Variants in SDK1 observed in about 807,000 individuals in gnomAD.
The protein encoded by SDK1 is protein sidekick-1.
In SDK1, 157 loss-of-function variants were observed where a neutral mutation model predicts 245.5. The observed-to-expected ratio is 0.64, with a 90% confidence interval of 0.56 to 0.73. The LOEUF (loss-of-function observed/expected upper bound fraction) is 0.73, where lower values mean the gene tolerates loss of function less well. SDK1 is among the 30% of genes least tolerant of loss of function. The pLI, the probability that SDK1 is intolerant of heterozygous loss-of-function variation, is 0.00. For synonymous variants in SDK1, 1,647 were observed against 1,278.5 expected, an observed-to-expected ratio of 1.29 and a Z score of -6.15; for missense variants, 3,583 against 3,002.3, an observed-to-expected ratio of 1.19 and a Z score of -4.52.
At chr7:3,457,432 T>C (rs895213896) in intron 1 of SDK1, among the ~76,000 whole-genome samples, 7 of 152,156 alleles carry the variant, frequency 4.6e-5, no homozygotes, top group African/African-American at 1.4e-4. Context: ...TGTCTTCTTA[T>C]CTCCCTTTAC....
At chr7:4,138,912 A>G (rs1416584349) in intron 28 of SDK1, among the ~76,000 whole-genome samples, 5 of 152,208 alleles carry the variant, frequency 3.3e-5, no homozygotes, top group Non-Finnish European at 7.4e-5. Flanking sequence ...CTTCCAGGCC[A>G]TCACCTGGGA....
intron 4 of SDK1, among the ~76,000 whole-genome samples, chr7:3,655,448 A>AAAC (rs1467153187): frequency 3.0e-5 from 2 of 66,334 alleles, no homozygotes; most frequent in African/African-American, 1.5e-4. Context: ...AAACAAAACA[A>AAAC]ATATATATAT....
Position 4,233,262 on chromosome 7 carries a change from C to T in SDK1, c.5835C>T (p.Gly1945=), listed in dbSNP as rs1328960073. ...TCCCCATCCCTCTTGCAGATGAAGG[C>T]TTATGGGACATGTTTGTGAAGGACA... ...YVIEARPSDE[G]LWDMFVKDIP... The change falls in exon 41 of 45, where the codon GGC becomes GGT. Residue 1945 remains glycine, a synonymous_variant. Coordinates refer to ENST00000404826, the MANE Select transcript of SDK1 (RefSeq NM_152744.4). The T allele has an allele frequency of 1.9e-6, 3 of 1,613,330 alleles. No individual in the cohort carries two copies. The highest frequency in any genetic ancestry group is 2.2e-5 in the East Asian group (1 of 44,882).
At chr7:3,343,021 C>G (rs1780390185) in intron 1 of SDK1, among the ~76,000 whole-genome samples, 1 of 140,258 alleles carries the variant, frequency 7.1e-6, no homozygotes, top group South Asian at 2.2e-4. Context: ...AAAAAAGCAC[C>G]AAATGTTGGT....
chr7:3,356,493 A>G (rs1022758806), intron 1 of SDK1, among the ~76,000 whole-genome samples: 2 of 152,028 alleles, frequency 1.3e-5, no homozygotes, highest in African/African-American at 4.8e-5. Flanking sequence ...GTATATTTGG[A>G]TGATCTAAGA....
At chr7:3,680,029 C>T (rs944117319) in intron 4 of SDK1, among the ~76,000 whole-genome samples, 2 of 152,028 alleles carry the variant, frequency 1.3e-5, no homozygotes, top group African/African-American at 4.8e-5. Context: ...AATCAGAAAC[C>T]ACTCAGATGT....
At chr7:4,209,892 T>A (rs1562436409) in intron 37 of SDK1, 133 bp from the exon 38 acceptor site, 1 of 842,044 alleles carries the variant, frequency 1.2e-6, no homozygotes, top group East Asian at 2.9e-5. Context: ...TTTCATTTTA[T>A]GACATTCAGA....
At chr7:3,852,750 C>CAA (rs35116493) in intron 5 of SDK1, among the ~76,000 whole-genome samples, 624 of 27,934 alleles carry the variant, frequency 0.022, 37 homozygotes, top group African/African-American at 0.053. Context: ...GACTCCGTCT[C>CAA]AAAAAAAAAA....
At chr7:3,314,159 C>T (rs1189028663) in intron 1 of SDK1, among the ~76,000 whole-genome samples, 1 of 151,970 alleles carries the variant, frequency 6.6e-6, no homozygotes, top group African/African-American at 2.4e-5. Context: ...AGGACCCTAG[C>T]AGGGATACAT....
chr7:4,058,894 G>A (rs910146353), intron 19 of SDK1, among the ~76,000 whole-genome samples: 4 of 152,070 alleles, frequency 2.6e-5, no homozygotes, highest in Non-Finnish European at 4.4e-5. Flanking sequence ...CTACCATCAT[G>A]AAAATGTACA....
intron 28 of SDK1, 176 bp downstream of exon 28, chr7:4,132,599 C>T: frequency 3.7e-6 from 2 of 537,280 alleles, no homozygotes; most frequent in Non-Finnish European, 6.9e-6. Context: ...TGATGGCATG[C>T]ACCTGTTGGT....
chr7:4,116,577 G>A (rs1389931798), intron 25 of SDK1, among the ~76,000 whole-genome samples: 2 of 152,250 alleles, frequency 1.3e-5, no homozygotes, highest in African/African-American at 2.4e-5. Context: ...ACAGTGGGTT[G>A]CAATGCACAG....
chr7:4,200,632 C>T (rs115061485), intron 35 of SDK1, among the ~76,000 whole-genome samples: 2 of 152,216 alleles, frequency 1.3e-5, no homozygotes, highest in African/African-American at 4.8e-5. Flanking sequence ...AGGGCCTCTC[C>T]ATGGGGCCTC....
intron 25 of SDK1, among the ~76,000 whole-genome samples, chr7:4,125,086 T>TG: frequency 1.4e-5 from 2 of 146,010 alleles, no homozygotes; most frequent in African/African-American, 5.1e-5. Flanking sequence ...GATGGATGGA[T>TG]GATGGATGGA....
chr7:4,140,500 T>G (rs1416333336), intron 28 of SDK1, among the ~76,000 whole-genome samples: 1 of 152,162 alleles, frequency 6.6e-6, no homozygotes, highest in African/African-American at 2.4e-5. Context: ...TCCTGCTGAG[T>G]GACTTTCTCT....
chr7:4,126,007 T>G (rs1584219137), intron 25 of SDK1, among the ~76,000 whole-genome samples: 1 of 152,340 alleles, frequency 6.6e-6, no homozygotes, highest in South Asian at 2.1e-4. Flanking sequence ...AAGGAGACTT[T>G]GCCACCAAAC....
chr7:4,089,508 AG>A (rs950904877), intron 22 of SDK1, among the ~76,000 whole-genome samples: 1 of 152,212 alleles, frequency 6.6e-6, no homozygotes, highest in Non-Finnish European at 1.5e-5. Context: ...TTAGTGCTCC[AG>A]GGAAGAATGA....
chr7:3,892,903 G>A (rs1327001751), intron 5 of SDK1, among the ~76,000 whole-genome samples: 1 of 152,196 alleles, frequency 6.6e-6, no homozygotes, highest in African/African-American at 2.4e-5. Flanking sequence ...GCAGAATCGT[G>A]GGTTGCTTTC....
At position 3,363,154 on chromosome 7, in the gene SDK1, C is replaced by G. The variant is rs568268046; in HGVS notation, c.298+61270C>G. Among the ~76,000 whole-genome samples the G allele has an allele frequency of 3.3e-5, 5 of 152,308 alleles. 1 individual carries two copies. The highest frequency in any genetic ancestry group is 1.2e-4 in the African/African-American group (5 of 41,564). ...ACCTCTCCTATCTCCTTCCACACTG[C>G]TCGGCAACCATGAATCTGTTCTCCA... is the stretch of plus-strand genomic sequence containing the variant. On this transcript the variant is annotated intron_variant, in intron 1 of 44. Coordinates refer to ENST00000404826, the MANE Select transcript of SDK1 (RefSeq NM_152744.4).
Sources: allele counts gnomAD v4.1 joint callset (sites outside exome capture counted in the v4.1 genomes callset), GRCh38; gene constraint gnomAD v4.1.1; transcripts MANE v1.5; gene names NCBI Gene and HGNC (gene_info 2026-07-23, HGNC 2026-07-21).